Variants in DLG2 observed in about 807,000 individuals in gnomAD.
The protein encoded by DLG2 is disks large homolog 2.
In DLG2, 45 loss-of-function variants were observed where a neutral mutation model predicts 132.5. The observed-to-expected ratio is 0.34, with a 90% confidence interval of 0.27 to 0.44. The LOEUF (loss-of-function observed/expected upper bound fraction) is 0.44. Ranked by LOEUF, DLG2 falls within the 20% of genes least tolerant of loss-of-function variation. DLG2 has a pLI of 1.00. For missense variants in DLG2, 1,045 were observed against 1,196.9 expected, an observed-to-expected ratio of 0.87 and a Z score of 1.87; for synonymous variants, 424 against 419.6, an observed-to-expected ratio of 1.01 and a Z score of -0.13.
At chr11:84,236,772 T>C (rs2097163187) in intron 8 of DLG2, among the ~76,000 whole-genome samples, 1 of 152,170 alleles carries the variant, frequency 6.6e-6, no homozygotes, top group Admixed American at 6.5e-5. Flanking sequence ...CCCAGAATCA[T>C]AGTAGGTTAG....
chr11:83,850,160 G>GTGTGTGTTTTTT (rs1452960432), intron 16 of DLG2, among the ~76,000 whole-genome samples: 1 of 124,304 alleles, frequency 8.0e-6, no homozygotes, highest in African/African-American at 3.6e-5. Context: ...GTGTGTGTGT[G>GTGTGTGTTTTTT]TTTTTTTACT....
chr11:83,675,595 A>G (rs1217461291), intron 18 of DLG2, among the ~76,000 whole-genome samples: 2 of 152,198 alleles, frequency 1.3e-5, no homozygotes, highest in Non-Finnish European at 2.9e-5. Context: ...CTGTATCCAC[A>G]TTGTAAAGAA....
intron 7 of DLG2, among the ~76,000 whole-genome samples, chr11:84,507,050 G>A (rs986459578): frequency 6.6e-6 from 1 of 152,128 alleles, no homozygotes; most frequent in Non-Finnish European, 1.5e-5. Context: ...AGATAAATTT[G>A]CCAATAAAAT....
intron 22 of DLG2, among the ~76,000 whole-genome samples, chr11:83,480,845 A>G (rs2093045670): frequency 6.6e-6 from 1 of 151,908 alleles, no homozygotes; most frequent in African/African-American, 2.4e-5. Context: ...TCTCAATTTT[A>G]GCCTTTAAGA....
intron 7 of DLG2, among the ~76,000 whole-genome samples, chr11:84,494,298 T>G (rs2099174161): frequency 6.6e-6 from 1 of 152,172 alleles, no homozygotes; most frequent in East Asian, 1.9e-4. Context: ...GTGCACCTGC[T>G]GACTGGGGGA....
chr11:85,390,870 A>T (rs1000842005), intron 3 of DLG2, among the ~76,000 whole-genome samples: 5 of 152,122 alleles, frequency 3.3e-5, no homozygotes, highest in Non-Finnish European at 7.4e-5. Flanking sequence ...CTAAGGTCAC[A>T]CCTCAAGGAA....
chr11:85,485,216 G>A (rs923051128), intron 3 of DLG2, among the ~76,000 whole-genome samples: 3 of 152,154 alleles, frequency 2.0e-5, no homozygotes, highest in South Asian at 2.1e-4. Context: ...GTGGGGAGAG[G>A]GGGGAGGGAT....
chr11:84,381,662 T>A (rs952941557), intron 7 of DLG2, among the ~76,000 whole-genome samples: 3 of 152,202 alleles, frequency 2.0e-5, no homozygotes. Context: ...TGATAGAAGT[T>A]CAATAAACTA....
At chr11:84,323,271 C>G (rs2098414671) in intron 7 of DLG2, among the ~76,000 whole-genome samples, 1 of 152,292 alleles carries the variant, frequency 6.6e-6, no homozygotes, top group African/African-American at 2.4e-5. Flanking sequence ...AGTTCAGATA[C>G]TTCTTATAAG....
Position 83,542,505 on chromosome 11 carries a change from T to C in DLG2, c.1941-647A>G, listed in dbSNP as rs146346615. ...TGTGTGTATGGATAGACAAAAATCA[T>C]ATAAACAACACGACAAATATTTGTG... is the stretch of plus-strand genomic sequence containing the variant. On this transcript the variant is annotated intron_variant, in intron 19 of 27. Transcript: ENST00000376104. 5.1e-4 allele frequency among the ~76,000 whole-genome samples: 77 copies of C among 152,284 alleles called. 2 individuals carry two copies. Among genetic ancestry groups the C allele is most frequent in the African/African-American group, 1.8e-3 (76 of 41,572 alleles).
At chr11:84,616,385 T>C (rs1352997128) in intron 6 of DLG2, among the ~76,000 whole-genome samples, 1 of 152,134 alleles carries the variant, frequency 6.6e-6, no homozygotes, top group Non-Finnish European at 1.5e-5. Flanking sequence ...AATGAAATAA[T>C]TGAATAGGCA....
At chr11:83,895,145 C>CTTTT (rs11287512) in intron 15 of DLG2, among the ~76,000 whole-genome samples, 39 of 87,904 alleles carry the variant, frequency 4.4e-4, no homozygotes, top group East Asian at 1.4e-3. Flanking sequence ...GAACTACTGT[C>CTTTT]TTTTTTTTTT....
At chr11:84,785,830 G>C (rs1200788660) in intron 6 of DLG2, among the ~76,000 whole-genome samples, 1 of 151,762 alleles carries the variant, frequency 6.6e-6, no homozygotes, top group African/African-American at 2.4e-5. Flanking sequence ...GTAGGCTTTC[G>C]AGTCCTTTTA....
intron 7 of DLG2, among the ~76,000 whole-genome samples, chr11:84,258,139 G>A (rs999432327): frequency 6.6e-6 from 1 of 152,162 alleles, no homozygotes. Flanking sequence ...GAGGCCTGTA[G>A]GAGGCATGCC....
intron 4 of DLG2, among the ~76,000 whole-genome samples, chr11:85,195,048 C>A (rs748502696): frequency 6.6e-6 from 1 of 152,154 alleles, no homozygotes; most frequent in African/African-American, 2.4e-5. Flanking sequence ...ATATTCCCTA[C>A]CTGCTATTCT....
intron 6 of DLG2, among the ~76,000 whole-genome samples, chr11:84,788,117 A>AT (rs1299406134): frequency 3.3e-5 from 5 of 150,028 alleles, no homozygotes; most frequent in Non-Finnish European, 7.4e-5. Flanking sequence ...AAAAAAAAAA[A>AT]AAAAAAAAGA....
chr11:84,120,499 G>A (rs573569142), intron 9 of DLG2, among the ~76,000 whole-genome samples: 1 of 152,266 alleles, frequency 6.6e-6, no homozygotes, highest in Admixed American at 6.5e-5. Flanking sequence ...CAGTATCACT[G>A]CATCAAAAAT....
At chr11:85,078,094 G>T (rs1021791029) in intron 6 of DLG2, among the ~76,000 whole-genome samples, 1 of 151,056 alleles carries the variant, frequency 6.6e-6, no homozygotes, top group African/African-American at 2.4e-5. Flanking sequence ...TGTGAGTCAG[G>T]TATTGTTCTA....
intron 3 of DLG2, among the ~76,000 whole-genome samples, chr11:85,312,781 G>T (rs1397582375): frequency 6.6e-6 from 1 of 151,988 alleles, no homozygotes; most frequent in Admixed American, 6.6e-5. Flanking sequence ...GAAGTGTGAT[G>T]TCCACTTCAA....
Sources: gnomAD v4.1 joint callset for allele counts (sites outside exome capture counted in the v4.1 genomes callset) on GRCh38, gnomAD v4.1.1 for gene constraint, MANE v1.5 for transcripts, NCBI Gene and HGNC (gene_info 2026-07-23, HGNC 2026-07-21) for gene names.